The following TTC39A variants were observed in gnomAD, a reference collection of about 807,000 sequenced individuals.
TTC39A encodes tetratricopeptide repeat protein 39A.
In TTC39A, 46 loss-of-function variants were observed where a neutral mutation model predicts 82.3. That is an observed-to-expected ratio of 0.56 (90% CI 0.44 to 0.71). The LOEUF is 0.71. Among genes scored for constraint, TTC39A ranks in the 30% least tolerant of loss-of-function variants. TTC39A has a pLI of 0.00. For missense variants in TTC39A, 543 were observed against 712.9 expected, an observed-to-expected ratio of 0.76 and a Z score of 2.71; for synonymous variants, 254 against 275.2, an observed-to-expected ratio of 0.92 and a Z score of 0.76.
rs529198782 is a variant in TTC39A, at chr1:51,288,342, T to C, written c.1611-62A>G. The C allele has an allele frequency of 8.1e-6, 13 of 1,609,590 alleles. No homozygotes were observed. The highest frequency in any genetic ancestry group is 5.3e-5 in the African/African-American group (4 of 74,954). On this transcript the variant is annotated intron_variant, in intron 17 of 17. Coordinates refer to ENST00000680483, the MANE Select transcript of TTC39A (RefSeq NM_001297663.2). The surrounding 1 kb of genome is among the most constrained non-coding windows in gnomAD (Gnocchi z 4.8). ...CTGCTCCCAGAGATGCTTTTCCTCCTGTTTGAGCTGTATGAGCCCCGCGAG... is the reference window on the plus strand; with the variant it reads ...CTGCTCCCAGAGATGCTTTTCCTCCCGTTTGAGCTGTATGAGCCCCGCGAG...
rs1273941130 is a variant in TTC39A at position 51,303,199 on chromosome 1, G to A, written c.655-7C>T. 6.6e-7 allele frequency: 1 copy of A among 1,526,660 alleles called. No individual in the cohort carries two copies. The highest frequency in any genetic ancestry group is 8.9e-7 in the Non-Finnish European group (1 of 1,122,610). 94.6% of individuals were successfully genotyped at this position (1,526,660 alleles called of 1,614,324 possible). A position where few individuals can be genotyped will look rare whatever the true frequency, so the allele number is the denominator to read the frequency against. On this transcript the variant is annotated splice_polypyrimidine_tract_variant and splice_region_variant and intron_variant, in intron 8 of 17. Coordinates refer to ENST00000680483, the MANE Select transcript of TTC39A (RefSeq NM_001297663.2). ...GCTGCAGCAGCCCATAGTCCTGAGG[G>A]GATGGGAGGGTGGGTGAGGCTCCCA...
At chr1:51,335,612 C>T (rs1645965448), upstream of TTC39A, among the ~76,000 whole-genome samples, 1 of 151,358 alleles carries the variant, frequency 6.6e-6, no homozygotes, top group South Asian at 2.1e-4. Context: ...TTAAGTGAGC[C>T]CTTAGAATGC....
intron 15 of TTC39A, 54 bp from the exon 16 acceptor site, chr1:51,290,173 T>C: frequency 1.3e-6 from 2 of 1,527,640 alleles, no homozygotes; most frequent in Non-Finnish European, 1.8e-6. Flanking sequence ...CTGCAGCAGT[T>C]ACTTATGGAG....
intron 12 of TTC39A, chr1:51,301,359 C>T (rs1644648806): frequency 1.8e-6 from 1 of 564,668 alleles, no homozygotes; most frequent in East Asian, 3.0e-5. Flanking sequence ...TGTTTCTGTC[C>T]TTTGTGACTA....
chr1:51,336,619 G>A (rs1645978048), intron 1 of TTC39A, among the ~76,000 whole-genome samples: 1 of 152,126 alleles, frequency 6.6e-6, no homozygotes. Context: ...TCAGAACTTG[G>A]GATGCAAAGA....
chr1:51,335,235 T>C (rs1645959775), upstream of TTC39A: 1 of 152,140 alleles, frequency 6.6e-6, no homozygotes, highest in Non-Finnish European at 1.5e-5. Flanking sequence ...CTTTCACCTG[T>C]GCCATTGTCA....
At chr1:51,316,147 T>C (rs1395196482) in intron 2 of TTC39A, among the ~76,000 whole-genome samples, 1 of 152,138 alleles carries the variant, frequency 6.6e-6, no homozygotes, top group African/African-American at 2.4e-5. Flanking sequence ...GCCCACGTCT[T>C]GCTCAGTAAT....
At chr1:51,341,085 C>T (rs926115824) in intron 1 of TTC39A, among the ~76,000 whole-genome samples, 2 of 152,074 alleles carry the variant, frequency 1.3e-5, no homozygotes, top group African/African-American at 4.8e-5. Flanking sequence ...GCAGGAGAAC[C>T]TGGAAGGTGG....
intron 14 of TTC39A, among the ~76,000 whole-genome samples, chr1:51,290,862 A>G (rs1007882516): frequency 2.0e-5 from 3 of 152,150 alleles, no homozygotes; most frequent in South Asian, 2.1e-4. Flanking sequence ...AGATGGACCA[A>G]TGTCCGTAAT....
chr1:51,314,388 G>A (rs544413814), intron 2 of TTC39A, among the ~76,000 whole-genome samples: 47 of 152,294 alleles, frequency 3.1e-4, no homozygotes, highest in African/African-American at 8.2e-4. Context: ...AGGTCTCCTC[G>A]TGAATTATTT....
chr1:51,297,043 G>C (rs1202000337), intron 12 of TTC39A, among the ~76,000 whole-genome samples: 2 of 152,254 alleles, frequency 1.3e-5, no homozygotes, highest in African/African-American at 4.8e-5. Flanking sequence ...GGGTGGAAAG[G>C]AAAAGGCGCC....
At chr1:51,337,145 T>C (rs970999792) in intron 1 of TTC39A, among the ~76,000 whole-genome samples, 1 of 152,178 alleles carries the variant, frequency 6.6e-6, no homozygotes, top group African/African-American at 2.4e-5. Context: ...TGTTCCTCAG[T>C]GCAAAAACTA....
rs780143192 is a variant in TTC39A at position 51,296,140 on chromosome 1, G to A, written c.1084C>T (p.Leu362Phe). ...ATYIYMKAAYLSMFGKEDHKP... is the reference protein window; with the variant it reads ...ATYIYMKAAYFSMFGKEDHKP... ...TGGTCCTCCTTCCCAAACATGCTGA[G>A]GTAGGCGGCCTTCATGTAAATGTAG... Residue 362 changes from leucine to phenylalanine, a missense_variant, in exon 13 of 18, where the codon CTC becomes TTC. Leu to Phe is a conservative substitution (Grantham distance 22). Coordinates refer to ENST00000680483, the MANE Select transcript of TTC39A (RefSeq NM_001297663.2). 6.3e-7 allele frequency: 1 copy of A among 1,599,474 alleles called. No individual in the cohort carries two copies. Among genetic ancestry groups the A allele is most frequent in the South Asian group, 1.1e-5 (1 of 88,336 alleles).
At chr1:51,338,890 A>G (rs1043938931) in intron 1 of TTC39A, among the ~76,000 whole-genome samples, 1 of 152,182 alleles carries the variant, frequency 6.6e-6, no homozygotes, top group African/African-American at 2.4e-5. Context: ...GGTGTGAGCC[A>G]CTACACCCAG....
intron 12 of TTC39A, among the ~76,000 whole-genome samples, chr1:51,296,456 G>A (rs1204529554): frequency 6.6e-6 from 1 of 152,248 alleles, no homozygotes; most frequent in Non-Finnish European, 1.5e-5. Context: ...ACAAGGACAG[G>A]GGCGCACTCG....
Position 51,312,958 on chromosome 1 carries a change from A to G in TTC39A, c.147-15T>C. The stretch of plus-strand genomic sequence containing the variant: ...TTTCCTTGGTTCTGCCAAAGAGAAG[A>G]GACGTTGAGAGCACCACCTTATAGA... On this transcript the variant is annotated splice_polypyrimidine_tract_variant and intron_variant, in intron 2 of 17. Coordinates refer to ENST00000680483, the MANE Select transcript of TTC39A (RefSeq NM_001297663.2). The G allele has an allele frequency of 6.2e-7, 1 of 1,612,016 alleles. No individual in the cohort carries two copies. The highest frequency in any genetic ancestry group is 8.5e-7 in the Non-Finnish European group (1 of 1,178,666).
intron 9 of TTC39A, 147 bp from the exon 10 acceptor site, chr1:51,302,720 G>A (rs1644720439): frequency 1.1e-6 from 1 of 907,896 alleles, no homozygotes; most frequent in South Asian, 1.5e-5. Context: ...GGTGACATGA[G>A]GATTAAATAA....
chr1:51,309,591 C>T (rs1363055822), intron 5 of TTC39A, among the ~76,000 whole-genome samples: 1 of 152,162 alleles, frequency 6.6e-6, no homozygotes, highest in Non-Finnish European at 1.5e-5. Flanking sequence ...ACAGTATCTC[C>T]CTCTAGGTGG....
chr1:51,336,686 C>A (rs1042391367), intron 1 of TTC39A, among the ~76,000 whole-genome samples: 1 of 152,126 alleles, frequency 6.6e-6, no homozygotes, highest in African/African-American at 2.4e-5. Context: ...CAGTCCCAAG[C>A]AATTCATCCG....
Sources: gnomAD v4.1 joint callset for allele counts (sites outside exome capture counted in the v4.1 genomes callset) on GRCh38, gnomAD v4.1.1 for gene constraint, Gnocchi (gnomAD v3.1) non-coding constraint, MANE v1.5 for transcripts, NCBI Gene and HGNC (gene_info 2026-07-23, HGNC 2026-07-21) for gene names.